CSNK1G1: variants seen among roughly 807,000 people sequenced by gnomAD.
CSNK1G1 encodes casein kinase I isoform gamma-1.
CSNK1G1 carries 22 observed loss-of-function variants against 59.6 expected under a neutral mutation model. The observed-to-expected ratio is 0.37, with a 90% CI of 0.26 to 0.53. The LOEUF (loss-of-function observed/expected upper bound fraction) is 0.53. Among genes scored for constraint, CSNK1G1 ranks in the 20% least tolerant of loss-of-function variants. The probability of loss-of-function intolerance (pLI) is 0.89; values close to 1 mark genes in which losing one functional copy is unlikely to be tolerated. For missense variants in CSNK1G1, 384 were observed against 519.5 expected (o/e 0.74, Z 2.54); for synonymous variants, 179 against 177.1 (o/e 1.01, Z -0.08).
intron 4 of CSNK1G1, among the ~76,000 whole-genome samples, chr15:64,244,843 G>A (rs1385707584): frequency 3.9e-5 from 6 of 152,036 alleles, no homozygotes; most frequent in African/African-American, 1.4e-4. Context: ...AAACAACACA[G>A]CTGGAGGCAT....
chr15:64,297,860 T>C (rs1895112939), intron 2 of CSNK1G1, among the ~76,000 whole-genome samples: 1 of 152,174 alleles, frequency 6.6e-6, no homozygotes. Context: ...TACAATCTTC[T>C]CCTCGCTAAT....
At chr15:64,301,970 C>A (rs1334027595) in intron 1 of CSNK1G1, among the ~76,000 whole-genome samples, 1 of 152,080 alleles carries the variant, frequency 6.6e-6, no homozygotes, top group Non-Finnish European at 1.5e-5. Context: ...AATTATACAA[C>A]AAAGCAAAGA....
At chr15:64,243,461 G>A (rs1891580891) in intron 4 of CSNK1G1, among the ~76,000 whole-genome samples, 1 of 152,062 alleles carries the variant, frequency 6.6e-6, no homozygotes, top group Non-Finnish European at 1.5e-5. Context: ...ACAGGGAAAA[G>A]CTGAATTTCT....
intron 6 of CSNK1G1, among the ~76,000 whole-genome samples, chr15:64,208,695 A>T (rs953494902): frequency 6.6e-6 from 1 of 151,876 alleles, no homozygotes; most frequent in Non-Finnish European, 1.5e-5. Flanking sequence ...ACACTCGGCT[A>T]ATTTATTTAT....
At chr15:64,330,475 ACC>A (rs1157545344) in intron 1 of CSNK1G1, among the ~76,000 whole-genome samples, 1 of 143,424 alleles carries the variant, frequency 7.0e-6, no homozygotes, top group Admixed American at 7.0e-5. Flanking sequence ...AAATTCAACA[ACC>A]CTTCATGCTA....
Position 64,204,478 on chromosome 15 carries a change from G to C in CSNK1G1, c.962C>G (p.Thr321Ser). The C allele has an allele frequency of 6.2e-7, 1 of 1,613,034 alleles. No homozygotes were observed. The highest frequency in any genetic ancestry group is 2.2e-5 in the East Asian group (1 of 44,830). ...FTDLFEKKGY[T>S]FDYAYDWVGR... ...AACCCAATCATAGGCATAGTCAAAGGTGTAGCCTTTCTTTTCAAAGAGGTC... is the reference window on the plus strand; with the variant it reads ...AACCCAATCATAGGCATAGTCAAAGCTGTAGCCTTTCTTTTCAAAGAGGTC... The change falls in exon 9 of 12, where the codon ACC becomes AGC. Residue 321 changes from threonine to serine, a missense_variant. Thr to Ser is a moderately conservative substitution (Grantham distance 58). Coordinates refer to ENST00000303052, the MANE Select transcript of CSNK1G1 (RefSeq NM_022048.5).
chr15:64,349,238 T>C (rs1254837159), intron 1 of CSNK1G1, among the ~76,000 whole-genome samples: 1 of 151,966 alleles, frequency 6.6e-6, no homozygotes, highest in African/African-American at 2.4e-5. Flanking sequence ...TTAGAATGTA[T>C]AAGCAGCAGA....
chr15:64,254,798 A>G (rs1892283778), intron 3 of CSNK1G1, among the ~76,000 whole-genome samples: 1 of 152,170 alleles, frequency 6.6e-6, no homozygotes, highest in African/African-American at 2.4e-5. Flanking sequence ...AATTTTGCTG[A>G]AGTCCAACTT....
rs2081741042 is a variant in CSNK1G1, at chr15:64,176,343, T to G, written c.1214+4005A>C. Reference sequence around the variant, plus strand: ...GGAAGAGAGAGAAAGAGAGAGATATTAGTCCACAGAGGTGAAATGGAAGCG... The same window carrying G: ...GGAAGAGAGAGAAAGAGAGAGATATGAGTCCACAGAGGTGAAATGGAAGCG... On this transcript the variant is annotated intron_variant, in intron 11 of 11. Transcript: ENST00000303052. This position sits in a 1 kb window ranked among gnomAD's most constrained non-coding sequence, Gnocchi z 5.2. 1 of 384,850 alleles carries G rather than the reference T, an allele frequency of 2.6e-6. No homozygotes were observed. Among genetic ancestry groups the G allele is most frequent in the South Asian group, 1.3e-4 (1 of 7,572 alleles). The allele number at this position is 384,850 out of a possible 1,614,324, so 23.8% of individuals were successfully genotyped here.
At chr15:64,267,256 CA>C (rs199581105) in intron 2 of CSNK1G1, among the ~76,000 whole-genome samples, 12,163 of 61,870 alleles carry the variant, frequency 0.2, 562 homozygotes, top group African/African-American at 0.35. Flanking sequence ...GACCTTATCT[CA>C]AAAAAAAAAA....
chr15:64,188,225 C>G lies in CSNK1G1; in HGVS notation c.1108-7771G>C, dbSNP rs1488736860. 5.2e-6 allele frequency: 3 copies of G among 582,150 alleles called. No homozygotes were observed. The highest frequency in any genetic ancestry group is 5.7e-5 in the East Asian group (2 of 35,014). The allele number at this position is 582,150 out of a possible 1,614,324, so 36.1% of individuals were successfully genotyped here. A position where few individuals can be genotyped will look rare whatever the true frequency, so the allele number is the denominator to read the frequency against. ...ATCATTTTAACAAGCGACTCTTACCCAAGTCCACCTAGACAGAAAATCTAC... is the reference window on the plus strand; with the variant it reads ...ATCATTTTAACAAGCGACTCTTACCGAAGTCCACCTAGACAGAAAATCTAC... On this transcript the variant is annotated intron_variant, in intron 10 of 11. Coordinates refer to ENST00000303052, the MANE Select transcript of CSNK1G1 (RefSeq NM_022048.5). This position sits in a 1 kb window ranked among gnomAD's most constrained non-coding sequence, Gnocchi z 4.2.
At chr15:64,201,743 TG>T (rs772442571) in intron 10 of CSNK1G1, among the ~76,000 whole-genome samples, 2,306 of 147,626 alleles carry the variant, frequency 0.016, 25 homozygotes, top group Non-Finnish European at 0.018. Flanking sequence ...TGTGTGTGTG[TG>T]TGTGTGTTTA....
At chr15:64,209,503 G>A (rs2082224531) in intron 6 of CSNK1G1, among the ~76,000 whole-genome samples, 1 of 152,142 alleles carries the variant, frequency 6.6e-6, no homozygotes, top group Admixed American at 6.5e-5. Flanking sequence ...TTACTAATGG[G>A]AAGGAGAGGT....
At chr15:64,326,724 G>A (rs1453273083) in intron 1 of CSNK1G1, among the ~76,000 whole-genome samples, 2 of 151,838 alleles carry the variant, frequency 1.3e-5, no homozygotes, top group Non-Finnish European at 2.9e-5. Context: ...CATGAGCGAC[G>A]CAGAAGACGG....
chr15:64,193,761 C>T (rs1039246301), intron 10 of CSNK1G1, among the ~76,000 whole-genome samples: 5 of 152,026 alleles, frequency 3.3e-5, no homozygotes, highest in African/African-American at 9.7e-5. Flanking sequence ...TCACGGAAAC[C>T]ACCCTAGAAG....
intron 4 of CSNK1G1, among the ~76,000 whole-genome samples, chr15:64,248,118 A>T (rs1364541389): frequency 6.6e-6 from 1 of 152,186 alleles, no homozygotes; most frequent in African/African-American, 2.4e-5. Context: ...CTGCAACATC[A>T]CCTTGGTAAT....
chr15:64,224,259 T>G (rs1323652564), intron 4 of CSNK1G1, among the ~76,000 whole-genome samples: 2 of 152,212 alleles, frequency 1.3e-5, no homozygotes, highest in African/African-American at 4.8e-5. Flanking sequence ...TAATAGTTTC[T>G]AGCACAACTA....
intron 4 of CSNK1G1, among the ~76,000 whole-genome samples, chr15:64,251,234 G>A: frequency 6.6e-6 from 1 of 152,172 alleles, no homozygotes; most frequent in South Asian, 2.1e-4. Flanking sequence ...ATGAACTGCT[G>A]AAAAGCAAAT....
intron 10 of CSNK1G1, among the ~76,000 whole-genome samples, chr15:64,198,397 G>A (rs2082063711): frequency 1.3e-5 from 2 of 151,322 alleles, no homozygotes; most frequent in Admixed American, 6.6e-5. Context: ...GTAGAGATGG[G>A]GTTTCACCAT....
Sources: gnomAD v4.1 joint callset for allele counts (sites outside exome capture counted in the v4.1 genomes callset) on GRCh38, gnomAD v4.1.1 for gene constraint, Gnocchi (gnomAD v3.1) non-coding constraint, MANE v1.5 for transcripts, NCBI Gene and HGNC (gene_info 2026-07-23, HGNC 2026-07-21) for gene names.